USH2A: variants seen among roughly 807,000 people sequenced by gnomAD.
USH2A encodes the protein Usher syndrome 2A (autosomal recessive, mild).
Under a neutral mutation model 538.9 loss-of-function variants are expected in USH2A, and 443 were observed. The observed-to-expected ratio is 0.82, with a 90% CI of 0.76 to 0.89. The LOEUF is 0.89. USH2A is among the 40% of genes least tolerant of loss of function. The pLI, the probability that USH2A is intolerant of heterozygous loss-of-function variation, is 0.00. For missense variants in USH2A, 6,633 were observed against 6,324.8 expected, an observed-to-expected ratio of 1.05 and a Z score of -1.65; for synonymous variants, 2,413 against 2,273.5, an observed-to-expected ratio of 1.06 and a Z score of -1.75.
intron 37 of USH2A, among the ~76,000 whole-genome samples, chr1:215,951,633 T>C (rs1666913995): frequency 6.6e-6 from 1 of 152,104 alleles, no homozygotes; most frequent in African/African-American, 2.4e-5. Context: ...CTCGTTGATC[T>C]GTCTAATGTT....
At chr1:216,337,334 A>T (rs1278758394) in intron 4 of USH2A, among the ~76,000 whole-genome samples, 2 of 151,506 alleles carry the variant, frequency 1.3e-5, no homozygotes, top group South Asian at 4.1e-4. Flanking sequence ...TATAGATATT[A>T]AGAAATTTGC....
chr1:215,793,889 C>A (rs1453902138), intron 50 of USH2A, among the ~76,000 whole-genome samples: 1 of 152,182 alleles, frequency 6.6e-6, no homozygotes, highest in Non-Finnish European at 1.5e-5. Context: ...AATCTGTCCT[C>A]TTTGAATGAA....
rs140327585 is a variant in USH2A at position 216,314,830 on chromosome 1, G to A, written c.1644+7053C>T. Reference sequence around the variant, plus strand: ...GAGCCAAAGAATAAGAAGTGTTCATGGTTACTAATAAATTGCTCTGTGAAG... The same window carrying A: ...GAGCCAAAGAATAAGAAGTGTTCATAGTTACTAATAAATTGCTCTGTGAAG... On this transcript the variant is annotated intron_variant, in intron 9 of 71. Coordinates refer to ENST00000307340, the MANE Select transcript of USH2A (RefSeq NM_206933.4). Among the ~76,000 whole-genome samples the A allele has an allele frequency of 2.7e-3, 405 of 152,252 alleles. 3 individuals carry two copies. The highest frequency in any genetic ancestry group is 9.4e-3 in the African/African-American group (390 of 41,546).
Position 216,323,580 on chromosome 1 carries a change from C to G in USH2A, c.1444G>C (p.Ala482Pro), listed in dbSNP as rs767953686. Residue 482 changes from alanine to proline, a missense_variant, in exon 8 of 72, where the codon GCC (alanine) becomes CCC (proline). Transcript: ENST00000307340. ...NTPSLQEFVK[A>P]TQIRFHFHGQ... Reference sequence around the variant, plus strand: ...TGAAAATGAAACCTTATTTGCGTGGCTTTTACGAACTCTTGAAGAGATGGG... The same window carrying G: ...TGAAAATGAAACCTTATTTGCGTGGGTTTTACGAACTCTTGAAGAGATGGG... 1 of 1,613,446 alleles carries G rather than the reference C, an allele frequency of 6.2e-7. No homozygotes were observed. Among genetic ancestry groups the G allele is most frequent in the South Asian group, 1.1e-5 (1 of 91,070 alleles).
chr1:216,010,824 T>C (rs1214250839), intron 32 of USH2A, among the ~76,000 whole-genome samples: 1 of 151,938 alleles, frequency 6.6e-6, no homozygotes, highest in African/African-American at 2.4e-5. Flanking sequence ...CTACATCTCA[T>C]TGCTGCCCCT....
At chr1:215,962,766 C>A (rs150568040) in intron 37 of USH2A, among the ~76,000 whole-genome samples, 1 of 152,088 alleles carries the variant, frequency 6.6e-6, no homozygotes, top group African/African-American at 2.4e-5. Flanking sequence ...ACTTTACTTC[C>A]TTTTTTTCTA....
At chr1:215,778,373 TA>T (rs1661524793) in intron 55 of USH2A, among the ~76,000 whole-genome samples, 1 of 152,180 alleles carries the variant, frequency 6.6e-6, no homozygotes, top group African/African-American at 2.4e-5. Context: ...ATCATTGATT[TA>T]GCCCAGGATC....
At chr1:216,160,794 T>C (rs676212) in intron 21 of USH2A, among the ~76,000 whole-genome samples, 136,613 of 152,154 alleles carry the variant, frequency 0.9, 61,594 homozygotes, top group East Asian at 0.98. Context: ...TCTTTGATAG[T>C]TATACTAATA....
intron 58 of USH2A, among the ~76,000 whole-genome samples, chr1:215,757,535 C>T (rs1432023694): frequency 2.6e-5 from 4 of 152,102 alleles, no homozygotes; most frequent in East Asian, 1.9e-4. Context: ...ACAAAAAGGG[C>T]GTGTCACAAT....
intron 55 of USH2A, among the ~76,000 whole-genome samples, chr1:215,772,018 G>A (rs946604289): frequency 6.6e-6 from 1 of 152,166 alleles, no homozygotes; most frequent in Non-Finnish European, 1.5e-5. Flanking sequence ...ACTACCATCA[G>A]GCATAGATGA....
At chr1:215,989,700 G>C (rs1317332898) in intron 35 of USH2A, among the ~76,000 whole-genome samples, 1 of 151,964 alleles carries the variant, frequency 6.6e-6, no homozygotes, top group Non-Finnish European at 1.5e-5. Flanking sequence ...GAAGACTGCT[G>C]CCCAGTATAC....
At chr1:216,263,293 T>C (rs1369595683) in intron 11 of USH2A, among the ~76,000 whole-genome samples, 2 of 152,140 alleles carry the variant, frequency 1.3e-5, no homozygotes, top group African/African-American at 2.4e-5. Flanking sequence ...AGCATTACCC[T>C]GATAGCAAAA....
At chr1:215,877,982 G>C in intron 42 of USH2A, 102 bp from the exon 43 acceptor site, 1 of 1,475,744 alleles carries the variant, frequency 6.8e-7, no homozygotes. Context: ...TATATGCGTG[G>C]AAGCATAAAG....
chr1:216,402,314 G>A (rs903333291), intron 3 of USH2A, among the ~76,000 whole-genome samples: 1 of 152,026 alleles, frequency 6.6e-6, no homozygotes, highest in Admixed American at 6.5e-5. Context: ...TATAACCCAT[G>A]AGTCAAAAAG....
chr1:216,095,430 AT>A (rs1371050307), intron 22 of USH2A, among the ~76,000 whole-genome samples: 5 of 152,008 alleles, frequency 3.3e-5, no homozygotes, highest in Middle Eastern at 3.2e-3. Context: ...TTTTTTAAAA[AT>A]TTTTTTCAGT....
At chr1:215,713,479 C>T (rs1659397560) in intron 61 of USH2A, among the ~76,000 whole-genome samples, 1 of 152,080 alleles carries the variant, frequency 6.6e-6, no homozygotes, top group African/African-American at 2.4e-5. Flanking sequence ...TAATATCAGC[C>T]CAATTAATGG....
At chr1:215,848,955 G>A (rs1488359695) in intron 44 of USH2A, among the ~76,000 whole-genome samples, 1 of 152,132 alleles carries the variant, frequency 6.6e-6, no homozygotes, top group Non-Finnish European at 1.5e-5. Flanking sequence ...TACATCTTCA[G>A]TTCAATAGAC....
chr1:215,719,107 T>A (rs1235881137), intron 61 of USH2A, among the ~76,000 whole-genome samples: 1 of 152,176 alleles, frequency 6.6e-6, no homozygotes, highest in Non-Finnish European at 1.5e-5. Flanking sequence ...GATGCCAATT[T>A]GGCAGAATCC....
chr1:215,795,352 G>A (rs1014976436), intron 50 of USH2A, among the ~76,000 whole-genome samples: 6 of 152,132 alleles, frequency 3.9e-5, no homozygotes, highest in Non-Finnish European at 8.8e-5. Context: ...TCCGTCTTAA[G>A]AATATGCATG....
Sources: gnomAD v4.1 joint callset for allele counts (sites outside exome capture counted in the v4.1 genomes callset) on GRCh38, gnomAD v4.1.1 for gene constraint, MANE v1.5 for transcripts, NCBI Gene and HGNC (gene_info 2026-07-23, HGNC 2026-07-21) for gene names.